Variants in NOL4 observed in about 807,000 individuals in gnomAD.
NOL4 encodes the protein nucleolar protein 4.
A neutral mutation model predicts 75.9 loss-of-function variants in NOL4; 17 were observed. That is an observed-to-expected ratio of 0.22 (90% confidence interval 0.15 to 0.34). The LOEUF (loss-of-function observed/expected upper bound fraction) is 0.34, where lower values mean the gene tolerates loss of function less well. Among genes scored for constraint, NOL4 ranks in the 10% least tolerant of loss-of-function variants. The pLI is 1.00. For missense variants in NOL4, 614 were observed against 793.5 expected (o/e 0.77, Z 2.72); for synonymous variants, 292 against 289.9 (o/e 1.01, Z -0.07).
chr18:33,987,439 CCTGA>C (rs920965291), intron 6 of NOL4, among the ~76,000 whole-genome samples: 1 of 152,132 alleles, frequency 6.6e-6, no homozygotes, highest in Non-Finnish European at 1.5e-5. Flanking sequence ...CAATTCACTC[CCTGA>C]CTAAGTAGGA....
chr18:33,909,289 T>C (rs1274627458), intron 9 of NOL4, among the ~76,000 whole-genome samples: 2 of 152,194 alleles, frequency 1.3e-5, no homozygotes. Context: ...TCTTTTACTT[T>C]ATCTGCATAA....
chr18:33,887,432 TA>T, intron 9 of NOL4, among the ~76,000 whole-genome samples: 1 of 151,460 alleles, frequency 6.6e-6, no homozygotes, highest in South Asian at 2.1e-4. Context: ...TTTTTTTTTT[TA>T]ATTATACTTT....
At chr18:34,171,118 C>T (rs2032992319) in intron 1 of NOL4, among the ~76,000 whole-genome samples, 1 of 152,082 alleles carries the variant, frequency 6.6e-6, no homozygotes, top group South Asian at 2.1e-4. Flanking sequence ...TGCATTATAA[C>T]TGTAGTTTAC....
intron 1 of NOL4, among the ~76,000 whole-genome samples, chr18:34,183,292 A>G (rs2146343689): frequency 6.6e-6 from 1 of 152,010 alleles, no homozygotes. Flanking sequence ...GCATAGGAAA[A>G]GGTGTTCAAT....
intron 2 of NOL4, among the ~76,000 whole-genome samples, chr18:34,114,337 C>T (rs2079748224): frequency 6.6e-6 from 1 of 151,952 alleles, no homozygotes; most frequent in Admixed American, 6.6e-5. Context: ...AAACACTGTC[C>T]CTTGATAGTG....
chr18:33,945,135 G>A (rs1313724493), intron 8 of NOL4, among the ~76,000 whole-genome samples: 2 of 151,156 alleles, frequency 1.3e-5, no homozygotes. Flanking sequence ...TAGATCTTTT[G>A]TTTCCAGGGA....
intron 9 of NOL4, among the ~76,000 whole-genome samples, chr18:33,913,562 G>A (rs1269858262): frequency 2.6e-5 from 4 of 152,114 alleles, no homozygotes; most frequent in Admixed American, 2.0e-4. Flanking sequence ...AGTTTAGTAT[G>A]TGTTGTTTCT....
chr18:33,862,357 C>G (rs373253141), intron 10 of NOL4, among the ~76,000 whole-genome samples: 1 of 152,012 alleles, frequency 6.6e-6, no homozygotes. Flanking sequence ...GACATAGGCA[C>G]GGGCAAGGAT....
chr18:34,039,344 T>G (rs1035769933), intron 5 of NOL4, among the ~76,000 whole-genome samples: 6 of 151,166 alleles, frequency 4.0e-5, no homozygotes, highest in Admixed American at 3.3e-4. Flanking sequence ...TCTGGGTGGC[T>G]TTTTTTTTCC....
intron 2 of NOL4, among the ~76,000 whole-genome samples, chr18:34,122,480 C>T (rs2080188818): frequency 6.6e-6 from 1 of 152,056 alleles, no homozygotes; most frequent in Non-Finnish European, 1.5e-5. Flanking sequence ...CCAAAAACAA[C>T]TCCATATTAA....
At chr18:33,945,684 G>C (rs563650716) in intron 8 of NOL4, among the ~76,000 whole-genome samples, 3 of 151,732 alleles carry the variant, frequency 2.0e-5, no homozygotes, top group African/African-American at 7.2e-5. Context: ...TCAAGATAAA[G>C]CAACCATGCA....
intron 5 of NOL4, among the ~76,000 whole-genome samples, chr18:34,057,456 C>T (rs1237564394): frequency 6.6e-6 from 1 of 152,154 alleles, no homozygotes; most frequent in Non-Finnish European, 1.5e-5. Flanking sequence ...TGCCATTGTC[C>T]TGACCTGGTC....
At chr18:34,103,015 A>C (rs1411795294) in intron 4 of NOL4, among the ~76,000 whole-genome samples, 1 of 152,038 alleles carries the variant, frequency 6.6e-6, no homozygotes, top group African/African-American at 2.4e-5. Context: ...TTATAAATAT[A>C]GCTTGGAGGT....
intron 6 of NOL4, among the ~76,000 whole-genome samples, chr18:34,012,326 T>A (rs1177107100): frequency 6.6e-6 from 1 of 151,856 alleles, no homozygotes; most frequent in Non-Finnish European, 1.5e-5. Context: ...ATTGTATACA[T>A]TTAAATTTAG....
At chr18:34,040,518 T>G (rs2076095974) in intron 5 of NOL4, among the ~76,000 whole-genome samples, 1 of 152,018 alleles carries the variant, frequency 6.6e-6, no homozygotes, top group Admixed American at 6.6e-5. Context: ...TTAATATACT[T>G]TATTAATCAA....
chr18:33,948,915 C>A (rs1436146253), intron 8 of NOL4, among the ~76,000 whole-genome samples: 2 of 151,936 alleles, frequency 1.3e-5, no homozygotes, highest in Non-Finnish European at 2.9e-5. Context: ...GACTCACAAC[C>A]TTTTGTAATC....
chr18:34,143,904 C>T (rs921551565), intron 1 of NOL4, among the ~76,000 whole-genome samples: 3 of 150,180 alleles, frequency 2.0e-5, no homozygotes, highest in Non-Finnish European at 4.4e-5. Flanking sequence ...CTTCTTTCAG[C>T]TCTACTAAGA....
chr18:33,891,055 A>T (rs2065063776), intron 9 of NOL4, among the ~76,000 whole-genome samples: 1 of 151,216 alleles, frequency 6.6e-6, no homozygotes, highest in African/African-American at 2.4e-5. Context: ...AATTTATATA[A>T]TATAATATAT....
At chr18:33,896,689 T>C (rs2065431064) in intron 9 of NOL4, among the ~76,000 whole-genome samples, 1 of 152,032 alleles carries the variant, frequency 6.6e-6, no homozygotes, top group South Asian at 2.1e-4. Flanking sequence ...TTAGGCAATA[T>C]AATCCTGGAC....
Sources: gnomAD v4.1 joint callset for allele counts (sites outside exome capture counted in the v4.1 genomes callset) on GRCh38, gnomAD v4.1.1 for gene constraint, MANE v1.5 for transcripts, NCBI Gene and HGNC (gene_info 2026-07-23, HGNC 2026-07-21) for gene names.